Variants in CACNA2D4 observed in about 807,000 individuals in gnomAD.
CACNA2D4 encodes voltage-dependent calcium channel subunit alpha-2/delta-4.
Under a neutral mutation model 163.8 loss-of-function variants are expected in CACNA2D4, and 157 were observed. The ratio of observed to expected loss-of-function variants is 0.96; its 90% CI spans 0.84 to 1.09. The LOEUF is 1.09. Ranked by LOEUF, CACNA2D4 falls within the 50% of genes least tolerant of loss-of-function variation. The pLI is 0.00. For missense variants in CACNA2D4, 1,410 were observed against 1,479.9 expected, an observed-to-expected ratio of 0.95 and a Z score of 0.78; for synonymous variants, 598 against 586.9, an observed-to-expected ratio of 1.02 and a Z score of -0.27.
chr12:1,810,674 G>T, intron 27 of CACNA2D4, 87 bp from the exon 28 acceptor site: 2 of 1,330,496 alleles, frequency 1.5e-6, no homozygotes, highest in East Asian at 2.5e-5. Context: ...TGTGTGGTAC[G>T]TCTGCAGTGT....
chr12:1,817,496 C>T (rs1460564343), intron 26 of CACNA2D4, among the ~76,000 whole-genome samples: 2 of 152,148 alleles, frequency 1.3e-5, no homozygotes, highest in African/African-American at 2.4e-5. Context: ...CCACGGTCTC[C>T]CTCTCCCTCT....
intron 7 of CACNA2D4, 136 bp from the exon 8 acceptor site, chr12:1,886,509 G>C: frequency 1.3e-6 from 1 of 758,838 alleles, no homozygotes; most frequent in Non-Finnish European, 2.1e-6. Flanking sequence ...ATCTATGCCA[G>C]GTTTCACATG....
At chr12:1,915,419 C>T (rs1866948305) in intron 1 of CACNA2D4, among the ~76,000 whole-genome samples, 1 of 152,180 alleles carries the variant, frequency 6.6e-6, no homozygotes, top group African/African-American at 2.4e-5. Context: ...AGGGGAGAGG[C>T]AGTGGACAGC....
intron 35 of CACNA2D4, 76 bp downstream of exon 35, chr12:1,797,342 G>A (rs1406465923): frequency 1.8e-6 from 2 of 1,096,008 alleles, no homozygotes; most frequent in East Asian, 2.6e-5. Flanking sequence ...GGGGTTCCGG[G>A]GCCCTGCCCG....
At chr12:1,863,896 AC>A (rs746662403) in intron 18 of CACNA2D4, among the ~76,000 whole-genome samples, 7,590 of 50,208 alleles carry the variant, frequency 0.15, 303 homozygotes, top group Non-Finnish European at 0.19. Flanking sequence ...AAATCACTTT[AC>A]AAAAAAAAAA....
At chr12:1,800,303 C>T in intron 32 of CACNA2D4, 83 bp downstream of exon 32, 1 of 1,468,068 alleles carries the variant, frequency 6.8e-7, no homozygotes, top group Admixed American at 1.7e-5. Context: ...TCCTGGAGAC[C>T]TTGCAGCCTC....
chr12:1,903,155 T>C (rs1443922673), intron 6 of CACNA2D4, among the ~76,000 whole-genome samples: 1 of 152,076 alleles, frequency 6.6e-6, no homozygotes, highest in Non-Finnish European at 1.5e-5. Flanking sequence ...GAAAATTAAA[T>C]ATTCATATGA....
In CACNA2D4 at chr12:1,874,316, G is replaced by A. The variant is rs1021027687; in HGVS notation, c.1878+288C>T. Among the ~76,000 whole-genome samples the A allele has an allele frequency of 1.3e-5, 2 of 152,224 alleles. No individual in the cohort carries two copies. The highest frequency in any genetic ancestry group is 4.8e-5 in the African/African-American group (2 of 41,456). On this transcript the variant is annotated intron_variant, in intron 18 of 37. Coordinates refer to ENST00000382722, the MANE Select transcript of CACNA2D4 (RefSeq NM_172364.5). This position sits in a 1 kb window ranked among gnomAD's most constrained non-coding sequence, Gnocchi z 4.4. ...TAAACAACAAAAGGGCCAGTAGCAG[G>A]CAGCATAAGGAGGAAAGAAGAGCTG... is the stretch of plus-strand genomic sequence containing the variant.
At chr12:1,896,306 A>C (rs1246660631) in intron 6 of CACNA2D4, among the ~76,000 whole-genome samples, 1 of 152,174 alleles carries the variant, frequency 6.6e-6, no homozygotes, top group African/African-American at 2.4e-5. Flanking sequence ...CAGCCTGTTG[A>C]ATGAGAGAAT....
At chr12:1,848,641 T>C (rs1480759587) in intron 23 of CACNA2D4, among the ~76,000 whole-genome samples, 2 of 152,166 alleles carry the variant, frequency 1.3e-5, no homozygotes, top group African/African-American at 2.4e-5. Flanking sequence ...TGTTTCTTTG[T>C]TAGGTTTTAG....
intron 18 of CACNA2D4, among the ~76,000 whole-genome samples, chr12:1,861,692 C>T (rs1219867672): frequency 1.3e-5 from 2 of 152,142 alleles, no homozygotes; most frequent in Non-Finnish European, 2.9e-5. Flanking sequence ...ATCCACCTGC[C>T]TCGGCCTCCC....
At chr12:1,909,106 C>T (rs59623753) in intron 4 of CACNA2D4, among the ~76,000 whole-genome samples, 1 of 152,208 alleles carries the variant, frequency 6.6e-6, no homozygotes, top group Non-Finnish European at 1.5e-5. Flanking sequence ...TGTCCAAGAC[C>T]ACTGCCTTCC....
intron 6 of CACNA2D4, among the ~76,000 whole-genome samples, chr12:1,893,950 T>G (rs1340111206): frequency 6.6e-6 from 1 of 151,438 alleles, no homozygotes; most frequent in Non-Finnish European, 1.5e-5. Flanking sequence ...TTATGAAGGA[T>G]CAACAAAATG....
At chr12:1,864,309 A>G (rs1865593573) in intron 18 of CACNA2D4, among the ~76,000 whole-genome samples, 1 of 152,218 alleles carries the variant, frequency 6.6e-6, no homozygotes, top group African/African-American at 2.4e-5. Context: ...AGCCAGTGCC[A>G]ATGTTGAGAA....
intron 18 of CACNA2D4, among the ~76,000 whole-genome samples, chr12:1,867,630 A>G (rs901666353): frequency 1.3e-5 from 2 of 152,220 alleles, no homozygotes; most frequent in Non-Finnish European, 2.9e-5. Flanking sequence ...ATGGCAACCT[A>G]TGGATTGGGA....
At chr12:1,810,430 G>A in intron 28 of CACNA2D4, 90 bp from the exon 29 acceptor site, 3 of 1,519,986 alleles carry the variant, frequency 2.0e-6, no homozygotes, top group Non-Finnish European at 2.7e-6. Flanking sequence ...GGCAGCGTGG[G>A]AGCTTCACTG....
Position 1,799,852 on chromosome 12 carries a change from G to T in CACNA2D4, c.2974+148C>A. ...GAGCCAGGAGTGAGGGATGTGATGA[G>T]AGAAGGCCACGCAGGGTGAGATGTG... On this transcript the variant is annotated intron_variant, in intron 33 of 37. Coordinates refer to ENST00000382722, the MANE Select transcript of CACNA2D4 (RefSeq NM_172364.5). The surrounding 1 kb of genome is among the most constrained non-coding windows in gnomAD (Gnocchi z 4.7). 1.6e-6 allele frequency: 2 copies of T among 1,268,600 alleles called. No individual in the cohort carries two copies. Among genetic ancestry groups the T allele is most frequent in the Non-Finnish European group, 2.2e-6 (2 of 895,364 alleles). The allele number at this position is 1,268,600 out of a possible 1,614,324, so 78.6% of individuals were successfully genotyped here.
intron 6 of CACNA2D4, among the ~76,000 whole-genome samples, chr12:1,887,340 C>T (rs1165149632): frequency 6.6e-6 from 1 of 152,218 alleles, no homozygotes; most frequent in East Asian, 1.9e-4. Context: ...TGAGGCAAAA[C>T]CTCATATCAA....
In CACNA2D4 at chr12:1,833,852, G is replaced by GA. The variant is rs555784926; in HGVS notation, c.2551+6886dup. On this transcript the variant is annotated intron_variant, in intron 26 of 37. Transcript: ENST00000382722. The surrounding 1 kb of genome is among the most constrained non-coding windows in gnomAD (Gnocchi z 4.2). ...CTCACAGACAGGTGATGAGCAGGCA[G>GA]ATTCGGGGGCAGAGAGTGTGGCAGG... Among the ~76,000 whole-genome samples the GA allele has an allele frequency of 9.8e-5, 15 of 152,310 alleles. No homozygotes were observed. The South Asian group carries it at 3.1e-3, about 32-fold the overall frequency.
Sources: gnomAD v4.1 joint callset for allele counts (sites outside exome capture counted in the v4.1 genomes callset) on GRCh38, gnomAD v4.1.1 for gene constraint, Gnocchi (gnomAD v3.1) non-coding constraint, MANE v1.5 for transcripts, NCBI Gene and HGNC (gene_info 2026-07-23, HGNC 2026-07-21) for gene names.